The following TTN variants were observed in gnomAD, a reference collection of about 807,000 sequenced individuals.
The protein encoded by TTN is connectin.
A neutral mutation model predicts 3,223.0 loss-of-function variants in TTN; 1,525 were observed. The ratio of observed to expected loss-of-function variants is 0.47; its 90% CI spans 0.45 to 0.49. The LOEUF is 0.49. Ranked by LOEUF, TTN falls within the 20% of genes least tolerant of loss-of-function variation. The pLI is 0.00. For synonymous variants in TTN, 14,094 were observed against 15,161.0 expected (o/e 0.93, Z 5.17); for missense variants, 40,786 against 43,424.0 (o/e 0.94, Z 5.40).
Position 178,732,298 on chromosome 2 carries a change from C to T in TTN, c.16671G>A (p.Lys5557=), listed in dbSNP as rs765248071. ...EKLEPSQLLK[K]GDATQLACKV... is the part of the protein sequence containing the mutation. ...TGCAGGCTAGCTGGGTGGCATCTCCCTTCTTTAACAGCTGTGATGGCTCTA... is the reference window on the plus strand; with the variant it reads ...TGCAGGCTAGCTGGGTGGCATCTCCTTTCTTTAACAGCTGTGATGGCTCTA... The change falls in exon 57 of 363, where the codon AAG becomes AAA. Residue 5557 remains lysine, a synonymous_variant. Transcript: ENST00000589042. The T allele has an allele frequency of 6.2e-6, 10 of 1,612,846 alleles. No individual in the cohort carries two copies. In the East Asian group the frequency reaches 2.2e-4, roughly 36 times the overall value.
chr2:178,685,669 C>T (rs1483096721), intron 127 of TTN, 71 bp from the exon 128 acceptor site: 3 of 1,471,008 alleles, frequency 2.0e-6, no homozygotes, highest in Non-Finnish European at 2.8e-6. Context: ...TTTAATTTAT[C>T]ACTTCAAAGA....
intron 218 of TTN, 100 bp from the exon 219 acceptor site, chr2:178,642,417 T>A: frequency 1.0e-6 from 1 of 987,514 alleles, no homozygotes; most frequent in Non-Finnish European, 1.5e-6. Flanking sequence ...TGTAGTGCAT[T>A]AAGTAACAAT....
chr2:178,683,344 G>T, intron 133 of TTN, 53 bp from the exon 134 acceptor site: 1 of 1,172,114 alleles, frequency 8.5e-7, no homozygotes, highest in Non-Finnish European at 1.2e-6. Flanking sequence ...AAATGTGTGT[G>T]TGAAGAGAAA....
rs372979075 is a variant in TTN, at chr2:178,775,043, T to A, written c.6668A>T (p.His2223Leu). The change falls in exon 29 of 363, where the codon CAC (histidine) becomes CTC (leucine). Residue 2223 changes from histidine to leucine, a missense_variant. Physicochemically the swap from His to Leu is moderately conservative, Grantham distance 99. Coordinates refer to ENST00000589042, the MANE Select transcript of TTN (RefSeq NM_001267550.2). ...EVHEGDKYRMHSDRKVHFLSI... is the reference protein window; with the variant it reads ...EVHEGDKYRMLSDRKVHFLSI... Reference sequence around the variant, plus strand: ...GAGGAAGTGAACCTTTCTGTCAGAGTGCATCCTGTATTTATCTCCCTCATG... The same window carrying A: ...GAGGAAGTGAACCTTTCTGTCAGAGAGCATCCTGTATTTATCTCCCTCATG... The A allele has an allele frequency of 2.4e-5, 38 of 1,614,026 alleles. No homozygotes were observed. The East Asian group carries it at 4.5e-4, about 19-fold the overall frequency.
intron 359 of TTN, among the ~76,000 whole-genome samples, chr2:178,529,587 T>C (rs1311878859): frequency 1.3e-5 from 2 of 152,216 alleles, no homozygotes; most frequent in Non-Finnish European, 2.9e-5. Context: ...ATTGGTAAAA[T>C]AGAAATAGTT....
chr2:178,671,269 TC>T, intron 155 of TTN, 99 bp from the exon 156 acceptor site: 1 of 771,358 alleles, frequency 1.3e-6, no homozygotes, highest in South Asian at 2.4e-5. Flanking sequence ...AAATTCTTTA[TC>T]TATATTTTTT....
At position 178,549,635 on chromosome 2, in the gene TTN, G is replaced by A; in HGVS notation, c.92087C>T (p.Ala30696Val). 1.9e-6 allele frequency: 3 copies of A among 1,613,814 alleles called. No homozygotes were observed. Among genetic ancestry groups the A allele is most frequent in the South Asian group, 2.2e-5 (2 of 91,062 alleles). ...CCTGCCAACACCAAACTTGTTAACT[G>A]CAGAAACACGGAATTGGTATTCATT... ...NGNEYQFRVS[A>V]VNKFGVGRPL... Residue 30696 changes from alanine to valine, a missense_variant, in exon 338 of 363, where the codon GCA becomes GTA. By Grantham distance (64) the Ala-to-Val change is moderately conservative. Coordinates refer to ENST00000589042, the MANE Select transcript of TTN (RefSeq NM_001267550.2).
In TTN at chr2:178,573,582, C is replaced by T; in HGVS notation, c.72550G>A (p.Val24184Ile). 6.7e-7 allele frequency: 1 copy of T among 1,498,012 alleles called. No individual in the cohort carries two copies. Among genetic ancestry groups the T allele is most frequent in the Non-Finnish European group, 8.9e-7 (1 of 1,126,256 alleles). 92.8% of individuals were successfully genotyped at this position (1,498,012 alleles called of 1,614,324 possible). A position where few individuals can be genotyped will look rare whatever the true frequency, so the allele number is the denominator to read the frequency against. Residue 24184 changes from valine (V) to isoleucine (I), a missense_variant, in exon 326 of 363, where the codon GTC (valine) becomes ATC (isoleucine). Physicochemically the swap from Val to Ile is conservative, Grantham distance 29. Transcript: ENST00000589042. ...TCATTGCCTTTCAAGAGTTTAGTGACCTTTAGCTTTGTTACTTGGACTTCT... is the reference window on the plus strand; with the variant it reads ...TCATTGCCTTTCAAGAGTTTAGTGATCTTTAGCTTTGTTACTTGGACTTCT... ...ASEVQVTKLKVTKLLKGNEYI... is the reference protein window; with the variant it reads ...ASEVQVTKLKITKLLKGNEYI...
intron 165 of TTN, among the ~76,000 whole-genome samples, chr2:178,665,171 T>C (rs985814580): frequency 6.6e-6 from 1 of 152,156 alleles, no homozygotes; most frequent in African/African-American, 2.4e-5. Flanking sequence ...GTTGAATGAA[T>C]ACTTCCAGCA....
chr2:178,791,096 C>T (rs769099684), intron 10 of TTN, among the ~76,000 whole-genome samples: 23 of 152,188 alleles, frequency 1.5e-4, no homozygotes, highest in Non-Finnish European at 2.8e-4. Flanking sequence ...GACATGTCAA[C>T]GTGTTAGGGA....
Position 178,575,288 on chromosome 2 carries a change from G to A in TTN, c.70844C>T (p.Ala23615Val). 2 of 1,613,364 alleles carry A rather than the reference G, an allele frequency of 1.2e-6. No homozygotes were observed. Among genetic ancestry groups the A allele is most frequent in the Non-Finnish European group, 1.7e-6 (2 of 1,179,614 alleles). Residue 23615 changes from alanine to valine, a missense_variant, in exon 326 of 363, where the codon GCC becomes GTC. By Grantham distance (64) the Ala-to-Val change is moderately conservative (BLOSUM62 0). Coordinates refer to ENST00000589042, the MANE Select transcript of TTN (RefSeq NM_001267550.2). The surrounding 1 kb of genome is among the most constrained non-coding windows in gnomAD (Gnocchi z 4.0). ...VMAVNSAGRS[A>V]PRESRPVIVK... Reference sequence around the variant, plus strand: ...AATGACGGGTCTGCTTTCTCTAGGGGCACTTCTCCCCGCGCTGTTCACTGC... The same window carrying A: ...AATGACGGGTCTGCTTTCTCTAGGGACACTTCTCCCCGCGCTGTTCACTGC...
intron 6 of TTN, among the ~76,000 whole-genome samples, chr2:178,796,150 G>C (rs544059733): frequency 6.6e-6 from 1 of 152,112 alleles, no homozygotes; most frequent in Non-Finnish European, 1.5e-5. Flanking sequence ...GGCCAAAAAA[G>C]ACTATTTCTG....
rs769097909 is a variant in TTN, at chr2:178,712,315, C to T, written c.27607G>A (p.Glu9203Lys). The stretch of plus-strand genomic sequence containing the variant: ...ATAAAAATGTGCAATCATGACAAAC[C>T]TAGTATGAGTATTTGTGCTGAACAG... ...DSCSAQILIL[E>K]PPYFVKQLEP... The change falls in exon 95 of 363, where the codon GAA becomes AAA. Residue 9203 changes from glutamate to lysine, a missense_variant and splice_region_variant. Coordinates refer to ENST00000589042, the MANE Select transcript of TTN (RefSeq NM_001267550.2). 9.9e-6 allele frequency: 16 copies of T among 1,612,206 alleles called. No homozygotes were observed. The highest frequency in any genetic ancestry group is 8.0e-5 in the African/African-American group (6 of 74,844).
chr2:178,531,792 G>A lies in TTN; in HGVS notation c.104823C>T (p.Ala34941=). ...AGCGCATTCTCAGTGTGATTCGAGG[G>A]GCATGGTCCAGTGTGAAAGGCTGCT... The part of the protein sequence containing the change: ...LSQQPFTLDH[A]PRITLRMRSH... Residue 34941 remains alanine (A), a synonymous_variant, in exon 358 of 363, where the codon GCC becomes GCT. Transcript: ENST00000589042. The A allele has an allele frequency of 6.2e-7, 1 of 1,613,910 alleles. No homozygotes were observed. Among genetic ancestry groups the A allele is most frequent in the Non-Finnish European group, 8.5e-7 (1 of 1,179,870 alleles).
chr2:178,748,749 G>A, intron 47 of TTN: 1 of 1,612,334 alleles, frequency 6.2e-7, no homozygotes, highest in South Asian at 1.1e-5. Flanking sequence ...ATTTTTTCCT[G>A]TTGTTCCCTT....
In TTN at chr2:178,563,215, G is replaced by A. The variant is rs781086219; in HGVS notation, c.82917C>T (p.Asn27639=). 3.1e-6 allele frequency: 5 copies of A among 1,613,598 alleles called. No individual in the cohort carries two copies. In the South Asian group the frequency reaches 5.5e-5, roughly 18 times the overall value. Reference sequence around the variant, plus strand: ...CACAAATACGGAAGTTATATTCAGTGTTTTCTTTAAGCTTGGTCACTGTGA... The same window carrying A: ...CACAAATACGGAAGTTATATTCAGTATTTTCTTTAAGCTTGGTCACTGTGA... The part of the protein sequence containing the change: ...KQFTVTKLKE[N]TEYNFRICAI... The change falls in exon 326 of 363, where the codon AAC becomes AAT. Residue 27639 remains asparagine, a synonymous_variant. Transcript: ENST00000589042. This position sits in a 1 kb window ranked among gnomAD's most constrained non-coding sequence, Gnocchi z 4.5.
At chr2:178,529,290 G>A in intron 359 of TTN, 71 bp from the exon 360 acceptor site, 2 of 1,181,816 alleles carry the variant, frequency 1.7e-6, no homozygotes, top group Non-Finnish European at 2.2e-6. Context: ...TCTAGATTCT[G>A]CGTGTGAAAA....
Position 178,707,526 on chromosome 2 carries a change from C to A in TTN, c.29041G>T (p.Asp9681Tyr), listed in dbSNP as rs1392961843. The A allele has an allele frequency of 1.2e-6, 2 of 1,611,894 alleles. No homozygotes were observed. Among genetic ancestry groups the A allele is most frequent in the Non-Finnish European group, 8.5e-7 (1 of 1,178,452 alleles). The stretch of plus-strand genomic sequence containing the variant: ...CATAATACTTTTGAGGTGTCTGTAC[C>A]TTTAATGGTCACTTTTGATTTGGTA... ...DTTKSKVTIK[D>Y]KPAVAPATKK... is the part of the protein sequence containing the mutation. Residue 9681 changes from aspartate (D) to tyrosine (Y), a missense_variant and splice_region_variant, in exon 100 of 363, where the codon GAC becomes TAC. Asp to Tyr is a radical substitution (Grantham distance 160, BLOSUM62 -3). Transcript: ENST00000589042.
Position 178,728,723 on chromosome 2 carries a change from G to A in TTN, c.19203C>T (p.Pro6401=), listed in dbSNP as rs369538649. The A allele has an allele frequency of 1.2e-6, 2 of 1,611,132 alleles. No homozygotes were observed. Among genetic ancestry groups the A allele is most frequent in the Non-Finnish European group, 1.7e-6 (2 of 1,177,630 alleles). ...CAGCCACAACACATTCCAAGGTCAT[G>A]GGATCTTTCTCCGTAACATCAACTG... ...AKSVDVTEKD[P]MTLECVVAGT... is the part of the protein sequence containing the mutation. Residue 6401 remains proline (P), a synonymous_variant, in exon 66 of 363, where the codon CCC becomes CCT. Coordinates refer to ENST00000589042, the MANE Select transcript of TTN (RefSeq NM_001267550.2).
Sources: allele counts gnomAD v4.1 joint callset (sites outside exome capture counted in the v4.1 genomes callset), GRCh38; gene constraint gnomAD v4.1.1; non-coding constraint Gnocchi (gnomAD v3.1); transcripts MANE v1.5; gene names NCBI Gene and HGNC (gene_info 2026-07-23, HGNC 2026-07-21).